LUZP2: variants seen among roughly 807,000 people sequenced by gnomAD.
The protein encoded by LUZP2 is leucine zipper protein 2.
Under a neutral mutation model 51.6 loss-of-function variants are expected in LUZP2, and 52 were observed. The observed-to-expected ratio is 1.01, with a 90% confidence interval of 0.81 to 1.27. The LOEUF (loss-of-function observed/expected upper bound fraction) is 1.27. Among genes scored for constraint, LUZP2 ranks in the 50% most tolerant of loss-of-function variants. The pLI, the probability that LUZP2 is intolerant of heterozygous loss-of-function variation, is 0.00. For synonymous variants in LUZP2, 154 were observed against 137.3 expected (o/e 1.12, Z -0.85); for missense variants, 436 against 395.4 (o/e 1.10, Z -0.87).
intron 1 of LUZP2, among the ~76,000 whole-genome samples, chr11:24,713,682 T>TG (rs1857926196): frequency 2.5e-5 from 2 of 79,908 alleles, no homozygotes; most frequent in African/African-American, 8.3e-5. Context: ...AGTGAGAATC[T>TG]GTTTTTTTTT....
intron 1 of LUZP2, among the ~76,000 whole-genome samples, chr11:24,657,585 T>G (rs10767230): frequency 0.55 from 83,535 of 151,858 alleles, 23,354 homozygotes; most frequent in African/African-American, 0.63. Flanking sequence ...AGGGCAATCA[T>G]GCAGGAGAAG....
intron 9 of LUZP2, among the ~76,000 whole-genome samples, chr11:25,036,085 A>G (rs1365607832): frequency 6.6e-6 from 1 of 151,992 alleles, no homozygotes; most frequent in Non-Finnish European, 1.5e-5. Flanking sequence ...AGCTGTGAAT[A>G]CCTCTGATCT....
At chr11:25,059,986 T>C (rs1413855849) in intron 10 of LUZP2, among the ~76,000 whole-genome samples, 1 of 152,190 alleles carries the variant, frequency 6.6e-6, no homozygotes, top group Non-Finnish European at 1.5e-5. Context: ...ATGTGCAAGA[T>C]ATTCCATTAG....
chr11:24,500,148 A>G (rs1409708048), intron 1 of LUZP2, among the ~76,000 whole-genome samples: 1 of 152,198 alleles, frequency 6.6e-6, no homozygotes, highest in Admixed American at 6.5e-5. Flanking sequence ...AATCAGAGTT[A>G]ATGTATTTGT....
chr11:24,659,993 C>T (rs1216811266), intron 1 of LUZP2, among the ~76,000 whole-genome samples: 3 of 152,008 alleles, frequency 2.0e-5, no homozygotes, highest in South Asian at 2.1e-4. Flanking sequence ...CTTGGAGTAA[C>T]GAAAAAGATC....
chr11:25,017,686 C>A (rs1224619791), intron 9 of LUZP2, among the ~76,000 whole-genome samples: 1 of 152,054 alleles, frequency 6.6e-6, no homozygotes, highest in African/African-American at 2.4e-5. Context: ...AGTCAGGTAA[C>A]ACAATACCTC....
intron 5 of LUZP2, among the ~76,000 whole-genome samples, chr11:24,848,629 C>T (rs995658789): frequency 1.3e-5 from 2 of 152,116 alleles, no homozygotes; most frequent in African/African-American, 4.8e-5. Context: ...GCATCTTTGT[C>T]CTCTGCCTTC....
intron 1 of LUZP2, among the ~76,000 whole-genome samples, chr11:24,597,154 G>A (rs1048900407): frequency 2.0e-5 from 3 of 152,110 alleles, no homozygotes; most frequent in Admixed American, 6.6e-5. Context: ...AAAGTGAAGT[G>A]TAAAAATATT....
intron 1 of LUZP2, among the ~76,000 whole-genome samples, chr11:24,553,395 C>T (rs539806177): frequency 2.6e-5 from 4 of 151,358 alleles, no homozygotes; most frequent in South Asian, 2.1e-4. Flanking sequence ...AATGTAAGGG[C>T]GTAAAGTATT....
intron 7 of LUZP2, among the ~76,000 whole-genome samples, chr11:24,917,941 A>AC (rs1853851733): frequency 6.6e-6 from 1 of 152,020 alleles, no homozygotes; most frequent in Non-Finnish European, 1.5e-5. Context: ...GGCCATTTTC[A>AC]TGATATTGAT....
chr11:24,585,693 GACCTTGTC>G (rs1386993125), intron 1 of LUZP2, among the ~76,000 whole-genome samples: 1 of 151,964 alleles, frequency 6.6e-6, no homozygotes, highest in Non-Finnish European at 1.5e-5. Context: ...TTTCTTAAGA[GACCTTGTC>G]TCTTAAGAGA....
At chr11:24,784,358 A>G (rs1258871380) in intron 5 of LUZP2, among the ~76,000 whole-genome samples, 2 of 151,440 alleles carry the variant, frequency 1.3e-5, no homozygotes, top group African/African-American at 4.8e-5. Context: ...TGTTTTTTTG[A>G]AAAAAAATGG....
At chr11:25,035,058 T>C (rs1857809322) in intron 9 of LUZP2, among the ~76,000 whole-genome samples, 1 of 152,186 alleles carries the variant, frequency 6.6e-6, no homozygotes, top group South Asian at 2.1e-4. Flanking sequence ...GAGCCATCCT[T>C]GACAAATCCA....
At chr11:25,055,148 C>T (rs191693152) in intron 10 of LUZP2, among the ~76,000 whole-genome samples, 1,683 of 148,428 alleles carry the variant, frequency 0.011, 17 homozygotes, top group Middle Eastern at 0.031. Flanking sequence ...GTAGCTGGGA[C>T]TACAGGTGCC....
intron 5 of LUZP2, among the ~76,000 whole-genome samples, chr11:24,847,652 AG>A (rs1564983459): frequency 6.6e-6 from 1 of 152,098 alleles, no homozygotes; most frequent in African/African-American, 2.4e-5. Context: ...TACGGGGTGG[AG>A]GGGGGAAACA....
chr11:24,632,699 A>T (rs1854937682), intron 1 of LUZP2, among the ~76,000 whole-genome samples: 1 of 152,032 alleles, frequency 6.6e-6, no homozygotes, highest in South Asian at 2.1e-4. Context: ...AGCCTATGTG[A>T]AAAACATAAA....
chr11:24,528,358 T>G lies in LUZP2; in HGVS notation c.62+31053T>G, dbSNP rs182739310. ...AAAAACCTCTAAAGAGTGGATAAAT[T>G]TACAGAAATTACCAAATTAGTCACC... On this transcript the variant is annotated intron_variant, in intron 1 of 11. Transcript: ENST00000336930. 8.8e-4 allele frequency among the ~76,000 whole-genome samples: 133 copies of G among 151,286 alleles called. 2 individuals are homozygous for G. The highest frequency in any genetic ancestry group is 3.1e-3 in the African/African-American group (128 of 41,436).
At chr11:24,854,235 C>T (rs375920268) in intron 5 of LUZP2, among the ~76,000 whole-genome samples, 6 of 152,218 alleles carry the variant, frequency 3.9e-5, no homozygotes, top group African/African-American at 1.4e-4. Context: ...TCCCTTCACC[C>T]AGGTGCTCTG....
In LUZP2 at chr11:24,551,328, G is replaced by A. The variant is rs12269947; in HGVS notation, c.62+54023G>A. 2.1e-3 allele frequency among the ~76,000 whole-genome samples: 326 copies of A among 152,064 alleles called. 2 individuals carry two copies. The highest frequency in any genetic ancestry group is 7.6e-3 in the African/African-American group (315 of 41,488). ...GAACACATTATGCTAAGTGAAAGAA[G>A]CCAGTAATAGAAGACAATATATTGT... On this transcript the variant is annotated intron_variant, in intron 1 of 11. Transcript: ENST00000336930.
Sources: allele counts gnomAD v4.1 joint callset (sites outside exome capture counted in the v4.1 genomes callset), GRCh38; gene constraint gnomAD v4.1.1; transcripts MANE v1.5; gene names NCBI Gene and HGNC (gene_info 2026-07-23, HGNC 2026-07-21).